Variants in BCAS3 observed in about 807,000 individuals in gnomAD.
The protein encoded by BCAS3 is BCAS4/BCAS3 fusion.
Under a neutral mutation model 116.1 loss-of-function variants are expected in BCAS3, and 53 were observed. The observed-to-expected ratio is 0.46, with a 90% CI of 0.37 to 0.57. The LOEUF (loss-of-function observed/expected upper bound fraction) is 0.57. BCAS3 is among the 20% of genes least tolerant of loss of function. The pLI, the probability that BCAS3 is intolerant of heterozygous loss-of-function variation, is 0.00. For missense variants in BCAS3, 917 were observed against 1,165.4 expected, an observed-to-expected ratio of 0.79 and a Z score of 3.10; for synonymous variants, 391 against 408.2, an observed-to-expected ratio of 0.96 and a Z score of 0.51.
chr17:61,375,576 T>C (rs576457786), intron 23 of BCAS3, among the ~76,000 whole-genome samples: 1 of 151,070 alleles, frequency 6.6e-6, no homozygotes, highest in South Asian at 2.1e-4. Context: ...TATCTTTTTT[T>C]TTTTTTTTTT....
intron 23 of BCAS3, among the ~76,000 whole-genome samples, chr17:61,385,467 C>T (rs1392985159): frequency 2.0e-5 from 3 of 152,222 alleles, no homozygotes; most frequent in Non-Finnish European, 2.9e-5. Flanking sequence ...TCACGTGACC[C>T]GCTGGTCTCC....
At chr17:60,809,588 C>T (rs888489261) in intron 7 of BCAS3, among the ~76,000 whole-genome samples, 2 of 152,174 alleles carry the variant, frequency 1.3e-5, no homozygotes, top group African/African-American at 2.4e-5. Flanking sequence ...GGAAAATTTT[C>T]GCTCATCTCT....
chr17:60,735,024 T>C (rs2040829188), intron 5 of BCAS3, among the ~76,000 whole-genome samples: 1 of 152,226 alleles, frequency 6.6e-6, no homozygotes, highest in Non-Finnish European at 1.5e-5. Context: ...GTTTTCCTCA[T>C]ATAGATTGCA....
chr17:60,908,022 G>A (rs2058280540), intron 11 of BCAS3, among the ~76,000 whole-genome samples: 1 of 152,122 alleles, frequency 6.6e-6, no homozygotes, highest in African/African-American at 2.4e-5. Flanking sequence ...TAACACCCCT[G>A]ACTCCCTGCA....
intron 22 of BCAS3, among the ~76,000 whole-genome samples, chr17:61,175,871 C>CA (rs1467865493): frequency 6.6e-6 from 1 of 152,064 alleles, no homozygotes; most frequent in Non-Finnish European, 1.5e-5. Flanking sequence ...TGTGGTGGCT[C>CA]ACGCCTGTAA....
intron 6 of BCAS3, among the ~76,000 whole-genome samples, chr17:60,762,298 G>A (rs2043618280): frequency 6.6e-6 from 1 of 152,174 alleles, no homozygotes; most frequent in Non-Finnish European, 1.5e-5. Flanking sequence ...GAATGGTAAT[G>A]CCTAGGTTTT....
intron 22 of BCAS3, among the ~76,000 whole-genome samples, chr17:61,252,194 A>T (rs984957297): frequency 6.6e-6 from 1 of 152,214 alleles, no homozygotes; most frequent in Non-Finnish European, 1.5e-5. Flanking sequence ...TCAGTTTCTG[A>T]TGGTTTCCAA....
chr17:60,936,586 G>A (rs2059940643), intron 13 of BCAS3, among the ~76,000 whole-genome samples: 1 of 152,134 alleles, frequency 6.6e-6, no homozygotes, highest in Non-Finnish European at 1.5e-5. Context: ...TAGTGGTTTT[G>A]ATTTGCATTT....
intron 5 of BCAS3, among the ~76,000 whole-genome samples, chr17:60,726,963 T>C (rs1166324465): frequency 6.6e-6 from 1 of 152,204 alleles, no homozygotes; most frequent in African/African-American, 2.4e-5. Flanking sequence ...TAGTTAGTGT[T>C]AGTCTTATTT....
chr17:60,839,647 C>T (rs1235467585), intron 7 of BCAS3, among the ~76,000 whole-genome samples: 1 of 152,150 alleles, frequency 6.6e-6, no homozygotes, highest in Non-Finnish European at 1.5e-5. Flanking sequence ...ACAAGACCAA[C>T]TGGCTTTTGT....
At chr17:60,922,596 G>C (rs932830725) in intron 12 of BCAS3, among the ~76,000 whole-genome samples, 1 of 152,082 alleles carries the variant, frequency 6.6e-6, no homozygotes, top group Non-Finnish European at 1.5e-5. Flanking sequence ...AGACTTAGAA[G>C]ACATGATTAA....
At chr17:61,059,925 GC>G (rs2069810406) in intron 19 of BCAS3, among the ~76,000 whole-genome samples, 1 of 151,996 alleles carries the variant, frequency 6.6e-6, no homozygotes, top group African/African-American at 2.4e-5. Context: ...ACTCGGGAAG[GC>G]TGAGGCAGGA....
At chr17:61,267,883 C>T (rs559824490) in intron 22 of BCAS3, among the ~76,000 whole-genome samples, 2 of 152,258 alleles carry the variant, frequency 1.3e-5, no homozygotes, top group South Asian at 2.1e-4. Context: ...TTCTCCTCCA[C>T]GTCCGAGAAC....
chr17:60,952,649 T>C (rs2060908558), intron 14 of BCAS3, among the ~76,000 whole-genome samples: 1 of 152,126 alleles, frequency 6.6e-6, no homozygotes, highest in Admixed American at 6.5e-5. Flanking sequence ...CAGGGGTACA[T>C]ATGCAGGTTT....
At chr17:60,873,696 T>C (rs893063173) in intron 8 of BCAS3, among the ~76,000 whole-genome samples, 1 of 152,216 alleles carries the variant, frequency 6.6e-6, no homozygotes, top group Non-Finnish European at 1.5e-5. Context: ...TTTTACTATA[T>C]TGAGTCAATC....
intron 22 of BCAS3, among the ~76,000 whole-genome samples, chr17:61,116,399 C>T (rs1469428248): frequency 3.3e-5 from 5 of 152,064 alleles, no homozygotes; most frequent in African/African-American, 1.2e-4. Flanking sequence ...TGAGTGTAGC[C>T]CTTCTTCCGT....
intron 22 of BCAS3, among the ~76,000 whole-genome samples, chr17:61,085,935 G>T (rs2073059354): frequency 6.6e-6 from 1 of 151,946 alleles, no homozygotes; most frequent in African/African-American, 2.4e-5. Context: ...GCCTTGATTG[G>T]GCTTTTTAAA....
chr17:61,181,691 G>A lies in BCAS3; in HGVS notation c.2425+97127G>A, dbSNP rs1457881087. ...ATCATCTACATATAGAGATACACTGGATGATAAGAGTCAACTCTAAAATCA... is the reference window on the plus strand; with the variant it reads ...ATCATCTACATATAGAGATACACTGAATGATAAGAGTCAACTCTAAAATCA... On this transcript the variant is annotated intron_variant, in intron 22 of 23. Transcript: ENST00000407086. The surrounding 1 kb of genome is among the most constrained non-coding windows in gnomAD (Gnocchi z 5.0). 6.6e-6 allele frequency among the ~76,000 whole-genome samples: 1 copy of A among 152,084 alleles called. No homozygotes were observed. Among genetic ancestry groups the A allele is most frequent in the Non-Finnish European group, 1.5e-5 (1 of 68,016 alleles).
In BCAS3 at chr17:61,192,246, CAA is replaced by C. The variant is rs60456812; in HGVS notation, c.2425+107697_2425+107698del. On this transcript the variant is annotated intron_variant, in intron 22 of 23. Transcript: ENST00000407086. ...GGGCGACAGAGCAAGGCTCTGTTACCAAAAAAAAAAAAAAAAGAAACATAGAG... is the reference window on the plus strand; with the variant it reads ...GGGCGACAGAGCAAGGCTCTGTTACCAAAAAAAAAAAAAAGAAACATAGAG... Among the ~76,000 whole-genome samples, 29 of 70,678 alleles carry C rather than the reference CAA, an allele frequency of 4.1e-4. 1 individual carries two copies. Among genetic ancestry groups the C allele is most frequent in the East Asian group, 5.6e-4 (1 of 1,784 alleles). 46.4% of individuals were successfully genotyped at this position (70,678 alleles called of 152,430 possible).
Sources: allele counts gnomAD v4.1 joint callset (sites outside exome capture counted in the v4.1 genomes callset), GRCh38; gene constraint gnomAD v4.1.1; non-coding constraint Gnocchi (gnomAD v3.1); transcripts MANE v1.5; gene names NCBI Gene and HGNC (gene_info 2026-07-23, HGNC 2026-07-21).